Variants in RNF220 observed in about 807,000 individuals in gnomAD.
RNF220 encodes ring finger protein 220, also known as E3 ubiquitin-protein ligase RNF220.
In RNF220, 7 loss-of-function variants were observed where a neutral mutation model predicts 67.1. That is an observed-to-expected ratio of 0.10 (90% CI 0.06 to 0.20). The LOEUF is 0.20. Among genes scored for constraint, RNF220 ranks in the 10% least tolerant of loss-of-function variants. The probability of loss-of-function intolerance (pLI) is 1.00; values close to 1 mark genes in which losing one functional copy is unlikely to be tolerated. For missense variants in RNF220, 565 were observed against 740.3 expected, an observed-to-expected ratio of 0.76 and a Z score of 2.75; for synonymous variants, 270 against 283.2, an observed-to-expected ratio of 0.95 and a Z score of 0.47.
chr1:44,449,256 C>T (rs1010945384), intron 2 of RNF220, among the ~76,000 whole-genome samples: 1 of 152,182 alleles, frequency 6.6e-6, no homozygotes, highest in Non-Finnish European at 1.5e-5. Context: ...GGATACAGCA[C>T]ATTCAACACG....
chr1:44,568,464 C>T lies in RNF220; in HGVS notation c.626-45701C>T, dbSNP rs557270979. On this transcript the variant is annotated intron_variant, in intron 2 of 14. Coordinates refer to ENST00000361799, the MANE Select transcript of RNF220 (RefSeq NM_018150.4). ...TAAATTCACCTTTGTAACCCCCATC[C>T]CTAGCACAGTGCCTGGCCACATGGT... Among the ~76,000 whole-genome samples, 4 of 152,316 alleles carry T rather than the reference C, an allele frequency of 2.6e-5. No individual in the cohort carries two copies. In the South Asian group the frequency reaches 8.3e-4, roughly 32 times the overall value.
intron 2 of RNF220, among the ~76,000 whole-genome samples, chr1:44,482,798 T>G (rs1385442448): frequency 6.6e-6 from 1 of 152,028 alleles, no homozygotes; most frequent in Non-Finnish European, 1.5e-5. Flanking sequence ...ATTTTTGTAT[T>G]TTAATAGAGA....
chr1:44,631,236 T>C (rs1450644984), intron 5 of RNF220, among the ~76,000 whole-genome samples: 1 of 152,232 alleles, frequency 6.6e-6, no homozygotes. Flanking sequence ...AATGTACTCT[T>C]ACACAAGGCA....
chr1:44,625,129 T>G (rs1319764673), intron 4 of RNF220, among the ~76,000 whole-genome samples: 12 of 152,194 alleles, frequency 7.9e-5, no homozygotes, highest in Admixed American at 7.9e-4. Context: ...CTCGTTAGCA[T>G]CTTCCTTGGG....
chr1:44,552,713 G>A (rs1006124362), intron 2 of RNF220, among the ~76,000 whole-genome samples: 2 of 151,484 alleles, frequency 1.3e-5, no homozygotes, highest in African/African-American at 4.8e-5. Flanking sequence ...TGGGACTACG[G>A]GCACCCGCCA....
intron 2 of RNF220, among the ~76,000 whole-genome samples, chr1:44,485,913 A>G (rs1572648291): frequency 7.7e-6 from 1 of 129,698 alleles, no homozygotes; most frequent in African/African-American, 4.5e-5. Flanking sequence ...TGTTCCCCTT[A>G]TTATACCTCA....
intron 2 of RNF220, among the ~76,000 whole-genome samples, chr1:44,519,448 G>A (rs1659731194): frequency 6.6e-6 from 1 of 152,196 alleles, no homozygotes; most frequent in African/African-American, 2.4e-5. Context: ...GAGGCTGCAA[G>A]ACTTCCTGGG....
intron 2 of RNF220, among the ~76,000 whole-genome samples, chr1:44,547,931 T>A (rs1330253558): frequency 6.6e-6 from 1 of 152,100 alleles, no homozygotes; most frequent in Non-Finnish European, 1.5e-5. Context: ...ACTGAGTATC[T>A]CAACCCAGAC....
chr1:44,509,874 G>A (rs1367770550), intron 2 of RNF220, among the ~76,000 whole-genome samples: 3 of 73,612 alleles, frequency 4.1e-5, no homozygotes, highest in African/African-American at 5.5e-5. Flanking sequence ...GTGACAGAGC[G>A]AGACCCTGTC....
At chr1:44,475,967 G>A (rs961990443) in intron 2 of RNF220, among the ~76,000 whole-genome samples, 6 of 150,080 alleles carry the variant, frequency 4.0e-5, no homozygotes, top group Admixed American at 6.6e-5. Context: ...AGCTAAGATC[G>A]CCAGCCTAGT....
chr1:44,561,391 T>C (rs1663560034), intron 2 of RNF220, among the ~76,000 whole-genome samples: 2 of 152,098 alleles, frequency 1.3e-5, no homozygotes, highest in Admixed American at 6.5e-5. Context: ...GCGCCTGTAA[T>C]CCCAGCTACT....
In RNF220 at chr1:44,500,993, G is replaced by A. The variant is rs557095448; in HGVS notation, c.625+88271G>A. Among the ~76,000 whole-genome samples the A allele has an allele frequency of 2.2e-4, 32 of 146,832 alleles. No individual in the cohort carries two copies. In the South Asian group the frequency reaches 6.7e-3, roughly 31 times the overall value. On this transcript the variant is annotated intron_variant, in intron 2 of 14. Transcript: ENST00000361799. ...CCTGGGGGCCCCATAGAGGCCCCTC[G>A]ATTTGGCCAACTGAGCGGGACCCAG...
chr1:44,576,297 AGTGAACTTTGTTG>A (rs1480297909), intron 2 of RNF220, among the ~76,000 whole-genome samples: 3 of 152,188 alleles, frequency 2.0e-5, no homozygotes, highest in Non-Finnish European at 4.4e-5. Context: ...GGCCAGGAGG[AGTGAACTTTGTTG>A]GTGAACTTTG....
At chr1:44,485,122 C>A (rs987937209) in intron 2 of RNF220, among the ~76,000 whole-genome samples, 1 of 152,132 alleles carries the variant, frequency 6.6e-6, no homozygotes, top group African/African-American at 2.4e-5. Context: ...GGCAACAGAT[C>A]GAGACTCCAT....
chr1:44,498,281 C>A (rs1181784007), intron 2 of RNF220, among the ~76,000 whole-genome samples: 3 of 152,098 alleles, frequency 2.0e-5, no homozygotes, highest in Non-Finnish European at 4.4e-5. Context: ...ACCGTCCTAC[C>A]CCAAGCTCCA....
At chr1:44,522,992 T>C (rs1660059508) in intron 2 of RNF220, among the ~76,000 whole-genome samples, 1 of 152,154 alleles carries the variant, frequency 6.6e-6, no homozygotes. Flanking sequence ...CAGCTTTGGG[T>C]CTGGAAGGAC....
intron 2 of RNF220, among the ~76,000 whole-genome samples, chr1:44,498,745 G>A (rs528641866): frequency 6.6e-6 from 1 of 152,188 alleles, no homozygotes; most frequent in African/African-American, 2.4e-5. Flanking sequence ...GGATCGCTGG[G>A]CCCCACGCCC....
intron 2 of RNF220, among the ~76,000 whole-genome samples, chr1:44,602,542 C>T (rs945373324): frequency 3.3e-5 from 5 of 152,048 alleles, no homozygotes; most frequent in South Asian, 2.1e-4. Context: ...AGACATCAGT[C>T]GGAGCTACCT....
chr1:44,524,565 T>C (rs1444257217), intron 2 of RNF220, among the ~76,000 whole-genome samples: 1 of 152,200 alleles, frequency 6.6e-6, no homozygotes, highest in African/African-American at 2.4e-5. Flanking sequence ...CAAACACGAA[T>C]GCAGGCTGGT....
Sources: allele counts gnomAD v4.1 joint callset (sites outside exome capture counted in the v4.1 genomes callset), GRCh38; gene constraint gnomAD v4.1.1; transcripts MANE v1.5; gene names NCBI Gene and HGNC (gene_info 2026-07-23, HGNC 2026-07-21).